Variants in ZFPM1 observed in about 807,000 individuals in gnomAD.
ZFPM1 encodes zinc finger protein ZFPM1.
Under a neutral mutation model 46.3 loss-of-function variants are expected in ZFPM1, and 28 were observed. That is an observed-to-expected ratio of 0.60 (90% CI 0.45 to 0.83). The LOEUF (loss-of-function observed/expected upper bound fraction) is 0.83, where lower values mean the gene tolerates loss of function less well. ZFPM1 is among the 40% of genes least tolerant of loss of function. The pLI is 0.00. For missense variants in ZFPM1, 1,878 were observed against 1,432.4 expected (o/e 1.31, Z -5.02); for synonymous variants, 957 against 675.9 (o/e 1.42, Z -6.45).
At chr16:88,462,331 T>C (rs1047166684) in intron 1 of ZFPM1, among the ~76,000 whole-genome samples, 3 of 152,230 alleles carry the variant, frequency 2.0e-5, no homozygotes, top group Admixed American at 6.5e-5. Flanking sequence ...CCCGGCGTGC[T>C]GAGGGCTCCT....
intron 1 of ZFPM1, among the ~76,000 whole-genome samples, chr16:88,463,461 G>C (rs1479742056): frequency 2.0e-5 from 3 of 152,252 alleles, no homozygotes; most frequent in Non-Finnish European, 4.4e-5. Context: ...TCAGCCCCCA[G>C]GTTCACCGGT....
intron 1 of ZFPM1, among the ~76,000 whole-genome samples, chr16:88,458,622 G>T (rs1271469985): frequency 6.6e-6 from 1 of 152,234 alleles, no homozygotes; most frequent in African/African-American, 2.4e-5. Flanking sequence ...CCTCCTGGAG[G>T]CAGCTGTTGC....
Position 88,533,612 on chromosome 16 carries a change from A to G in ZFPM1, c.1654A>G (p.Ser552Gly). The G allele has an allele frequency of 1.4e-6, 2 of 1,479,966 alleles. No homozygotes were observed. The highest frequency in any genetic ancestry group is 1.3e-5 in the South Asian group (1 of 79,594). The allele number at this position is 1,479,966 out of a possible 1,614,324, so 91.7% of individuals were successfully genotyped here. The change falls in exon 10 of 10, where the codon AGC becomes GGC. Residue 552 changes from serine (S) to glycine (G), a missense_variant. Transcript: ENST00000319555. ...ILAKMSELVH[S>G]RLQQGAGAGA... ...GGCCAAGATGTCCGAGCTGGTGCAC[A>G]GCCGGCTGCAGCAGGGCGCGGGCGC...
intron 1 of ZFPM1, among the ~76,000 whole-genome samples, chr16:88,473,955 C>G (rs908137956): frequency 6.6e-6 from 1 of 152,170 alleles, no homozygotes; most frequent in Non-Finnish European, 1.5e-5. Context: ...GTGAAGCAAT[C>G]TCATGTAATC....
chr16:88,492,978 A>AGCGGGGAGCTGTCCCAGGGG, intron 3 of ZFPM1, among the ~76,000 whole-genome samples: 1 of 134,934 alleles, frequency 7.4e-6, no homozygotes, highest in African/African-American at 2.8e-5. Context: ...TGTCCCAGGG[A>AGCGGGGAGCTGTCCCAGGGG]GCAGAGAGCT....
At chr16:88,473,631 G>A (rs1908527543) in intron 1 of ZFPM1, among the ~76,000 whole-genome samples, 1 of 152,110 alleles carries the variant, frequency 6.6e-6, no homozygotes, top group African/African-American at 2.4e-5. Flanking sequence ...CGCGGCGATG[G>A]CTCCGTGAGC....
intron 1 of ZFPM1, among the ~76,000 whole-genome samples, chr16:88,466,104 C>G (rs1432819793): frequency 1.3e-5 from 2 of 152,188 alleles, no homozygotes; most frequent in Non-Finnish European, 2.9e-5. Context: ...TTCCCCCTTC[C>G]TGGATTTTAT....
rs949020528 is a variant in ZFPM1 at position 88,535,727 on chromosome 16, G to C, written c.*748G>C. The C allele has an allele frequency of 2.6e-5, 4 of 152,432 alleles. No homozygotes were observed. Among genetic ancestry groups the C allele is most frequent in the Admixed American group, 6.5e-5 (1 of 15,282 alleles). The allele number at this position is 152,432 out of a possible 1,614,324, so 9.4% of individuals were successfully genotyped here. A position where few individuals can be genotyped will look rare whatever the true frequency, so the allele number is the denominator to read the frequency against. ...ATCTCTCCCTCAGAGCCAGGGCTGA[G>C]GACAACCGTGTGGTGGAGTCACCTG... On this transcript the variant is annotated 3_prime_UTR_variant, in exon 10 of 10. Coordinates refer to ENST00000319555, the MANE Select transcript of ZFPM1 (RefSeq NM_153813.3).
chr16:88,520,993 AGGGTGGGT>A (rs1303016897), intron 4 of ZFPM1, among the ~76,000 whole-genome samples: 190 of 21,718 alleles, frequency 8.7e-3, no homozygotes, highest in African/African-American at 0.03. Context: ...GATGGATGGG[AGGGTGGGT>A]GGGTGGATGG....
intron 1 of ZFPM1, among the ~76,000 whole-genome samples, chr16:88,459,145 A>G: frequency 6.6e-6 from 1 of 152,068 alleles, no homozygotes; most frequent in East Asian, 1.9e-4. Flanking sequence ...GGCGGCCCCC[A>G]TGCAGCTCCT....
chr16:88,518,313 A>C (rs542522529), intron 4 of ZFPM1, among the ~76,000 whole-genome samples: 1 of 150,752 alleles, frequency 6.6e-6, no homozygotes, highest in African/African-American at 2.4e-5. Flanking sequence ...GGATGGATGG[A>C]TAGATGTATG....
chr16:88,486,847 G>C (rs1909261103), intron 2 of ZFPM1, among the ~76,000 whole-genome samples: 1 of 151,698 alleles, frequency 6.6e-6, no homozygotes. Flanking sequence ...TGGATGCTGG[G>C]TGCAAGTGGG....
chr16:88,483,947 C>G (rs1312377465), intron 1 of ZFPM1, among the ~76,000 whole-genome samples: 1 of 152,218 alleles, frequency 6.6e-6, no homozygotes, highest in East Asian at 1.9e-4. Flanking sequence ...TTCTCCTTCT[C>G]TCGCATCTTC....
intron 1 of ZFPM1, among the ~76,000 whole-genome samples, chr16:88,484,237 T>G (rs1220157069): frequency 6.6e-6 from 1 of 152,078 alleles, no homozygotes; most frequent in East Asian, 1.9e-4. Flanking sequence ...TTCATCAGAT[T>G]CCCAGAGGGG....
At chr16:88,490,674 G>A (rs540273604) in intron 3 of ZFPM1, among the ~76,000 whole-genome samples, 90 of 152,314 alleles carry the variant, frequency 5.9e-4, no homozygotes, top group African/African-American at 2.1e-3. Context: ...GGGCAGCCGG[G>A]GCCACAGAGA....
At chr16:88,495,963 G>A (rs1045748852) in intron 3 of ZFPM1, among the ~76,000 whole-genome samples, 1 of 152,318 alleles carries the variant, frequency 6.6e-6, no homozygotes, top group Middle Eastern at 3.4e-3. Context: ...AAGCGTGGCC[G>A]CATTGCCCAC....
chr16:88,463,608 C>G (rs776488807), intron 1 of ZFPM1, among the ~76,000 whole-genome samples: 4 of 152,264 alleles, frequency 2.6e-5, no homozygotes, highest in African/African-American at 9.6e-5. Context: ...GGGAAACTGA[C>G]GCTTAGAGAG....
intron 1 of ZFPM1, among the ~76,000 whole-genome samples, chr16:88,463,346 G>A (rs1907984618): frequency 2.0e-5 from 3 of 152,214 alleles, no homozygotes; most frequent in African/African-American, 7.2e-5. Context: ...CTGGCAGCAG[G>A]CGCCCAGACC....
rs1436824728 is a variant in ZFPM1 at position 88,534,036 on chromosome 16, G to A, written c.2078G>A (p.Ser693Asn). 20 of 1,335,798 alleles carry A rather than the reference G, an allele frequency of 1.5e-5. No individual in the cohort carries two copies. Among genetic ancestry groups the A allele is most frequent in the Non-Finnish European group, 1.8e-5 (19 of 1,027,674 alleles). 82.7% of individuals were successfully genotyped at this position (1,335,798 alleles called of 1,614,324 possible). The change falls in exon 10 of 10, where the codon AGC becomes AAC. Residue 693 changes from serine to asparagine, a missense_variant. By Grantham distance (46) the Ser-to-Asn change is conservative. Coordinates refer to ENST00000319555, the MANE Select transcript of ZFPM1 (RefSeq NM_153813.3). Reference sequence around the variant, plus strand: ...TGCGAGGCCTGCAACATCCGCTTCAGCCGCCACGAGACCTACACCGTGCAC... The same window carrying A: ...TGCGAGGCCTGCAACATCCGCTTCAACCGCCACGAGACCTACACCGTGCAC... ...TLCEACNIRF[S>N]RHETYTVHKR...
Sources: allele counts gnomAD v4.1 joint callset (sites outside exome capture counted in the v4.1 genomes callset), GRCh38; gene constraint gnomAD v4.1.1; transcripts MANE v1.5; gene names NCBI Gene and HGNC (gene_info 2026-07-23, HGNC 2026-07-21).